The following IL1RAP variants were observed in gnomAD, a reference collection of about 807,000 sequenced individuals.
The protein encoded by IL1RAP is interleukin 1 receptor accessory protein.
IL1RAP carries 35 observed loss-of-function variants against 60.7 expected under a neutral mutation model. That is an observed-to-expected ratio of 0.58 (90% CI 0.44 to 0.76). The LOEUF (loss-of-function observed/expected upper bound fraction) is 0.76. IL1RAP is among the 30% of genes least tolerant of loss of function. IL1RAP has a pLI of 0.00. For missense variants in IL1RAP, 572 were observed against 693.9 expected (o/e 0.82, Z 1.97); for synonymous variants, 268 against 250.9 (o/e 1.07, Z -0.64).
At chr3:190,524,178 T>C (rs949265692) in intron 1 of IL1RAP, among the ~76,000 whole-genome samples, 13 of 152,208 alleles carry the variant, frequency 8.5e-5, no homozygotes, top group Non-Finnish European at 1.8e-4. Context: ...TCTGTTCATG[T>C]CCTTTGCTCA....
At chr3:190,641,408 C>G (rs200485907) in intron 9 of IL1RAP, among the ~76,000 whole-genome samples, 5 of 152,172 alleles carry the variant, frequency 3.3e-5, no homozygotes, top group East Asian at 3.8e-4. Flanking sequence ...CCTGAAAGCC[C>G]TGTAGAGAAC....
intron 3 of IL1RAP, among the ~76,000 whole-genome samples, chr3:190,571,531 A>C (rs1378431484): frequency 6.6e-6 from 1 of 152,184 alleles, no homozygotes; most frequent in Non-Finnish European, 1.5e-5. Context: ...TTCTCAAAAA[A>C]AAGTACAACT....
chr3:190,527,684 A>ATTTTTT (rs58914187), intron 1 of IL1RAP, among the ~76,000 whole-genome samples: 8 of 112,926 alleles, frequency 7.1e-5, no homozygotes, highest in East Asian at 5.3e-4. Flanking sequence ...GCTTGTTTAC[A>ATTTTTT]TTTTTTTTTT....
At chr3:190,598,950 C>G (rs1409224769) in intron 3 of IL1RAP, among the ~76,000 whole-genome samples, 1 of 152,108 alleles carries the variant, frequency 6.6e-6, no homozygotes, top group Non-Finnish European at 1.5e-5. Flanking sequence ...AACTGCATTG[C>G]TTTTCATATG....
At chr3:190,625,667 G>A (rs150875086) in intron 7 of IL1RAP, among the ~76,000 whole-genome samples, 1 of 152,032 alleles carries the variant, frequency 6.6e-6, no homozygotes. Context: ...AAAGATAATA[G>A]TGATCAACAT....
At chr3:190,548,467 A>T (rs1724573110) in intron 1 of IL1RAP, among the ~76,000 whole-genome samples, 1 of 152,218 alleles carries the variant, frequency 6.6e-6, no homozygotes, top group African/African-American at 2.4e-5. Flanking sequence ...AGTAATCAAC[A>T]GCAAACTAGA....
downstream of IL1RAP, among the ~76,000 whole-genome samples, chr3:190,652,229 T>G (rs1734435431): frequency 6.6e-6 from 1 of 151,688 alleles, no homozygotes; most frequent in Non-Finnish European, 1.5e-5. Context: ...TTTGGGAGGC[T>G]GAAGCGGATG....
intron 10 of IL1RAP, among the ~76,000 whole-genome samples, chr3:190,644,673 C>T (rs1197270907): frequency 1.3e-5 from 2 of 152,036 alleles, no homozygotes; most frequent in Admixed American, 6.6e-5. Flanking sequence ...CCAGTGACCA[C>T]ATTAGTAAAA....
chr3:190,569,576 T>A (rs993914104), intron 3 of IL1RAP, among the ~76,000 whole-genome samples: 2 of 139,568 alleles, frequency 1.4e-5, no homozygotes, highest in African/African-American at 5.3e-5. Context: ...CGGAAGCAGA[T>A]CTCTTCACTT....
chr3:190,608,856 C>T, intron 4 of IL1RAP, 139 bp from the exon 5 acceptor site: 1 of 605,724 alleles, frequency 1.7e-6, no homozygotes, highest in Non-Finnish European at 2.8e-6. Context: ...CCTCCACTAC[C>T]ATTTTATCTC....
At chr3:190,529,379 C>A (rs776739074) in intron 1 of IL1RAP, among the ~76,000 whole-genome samples, 1 of 148,580 alleles carries the variant, frequency 6.7e-6, no homozygotes, top group Non-Finnish European at 1.5e-5. Flanking sequence ...CGTGGTGAAA[C>A]CCCTTCTCTA....
chr3:190,539,810 G>A (rs1253758886), intron 1 of IL1RAP, among the ~76,000 whole-genome samples: 2 of 151,718 alleles, frequency 1.3e-5, no homozygotes, highest in Non-Finnish European at 2.9e-5. Context: ...AACCCTAGTA[G>A]GGACTTGCCA....
intron 9 of IL1RAP, among the ~76,000 whole-genome samples, chr3:190,636,202 A>G (rs1577796513): frequency 6.6e-6 from 1 of 152,246 alleles, no homozygotes; most frequent in Non-Finnish European, 1.5e-5. Context: ...AGTGGTGTCC[A>G]GTAAATGTCA....
At chr3:190,646,631 C>T (rs772919754) in intron 11 of IL1RAP, among the ~76,000 whole-genome samples, 2 of 152,106 alleles carry the variant, frequency 1.3e-5, no homozygotes, top group Non-Finnish European at 2.9e-5. Flanking sequence ...AAGTTACATT[C>T]CCAAACCCAC....
intron 9 of IL1RAP, among the ~76,000 whole-genome samples, chr3:190,632,295 T>A (rs1411140782): frequency 1.3e-5 from 2 of 152,238 alleles, no homozygotes; most frequent in Non-Finnish European, 2.9e-5. Context: ...GCCATACTGA[T>A]GGATGCATAG....
Position 190,649,821 on chromosome 3 carries a change from A to C in IL1RAP, c.*1116A>C. ...TCCAAATAAGTCAGTATGAGAAGTC[A>C]CTGTCAATGAAAGTTGTTTTGTTTG... is the stretch of plus-strand genomic sequence containing the variant. On this transcript the variant is annotated 3_prime_UTR_variant, in exon 12 of 12. Coordinates refer to ENST00000447382, the MANE Select transcript of IL1RAP (RefSeq NM_002182.4). The C allele has an allele frequency of 1.0e-6, 1 of 985,304 alleles. No homozygotes were observed. The highest frequency in any genetic ancestry group is 1.2e-6 in the Non-Finnish European group (1 of 829,824). The allele number at this position is 985,304 out of a possible 1,614,324, so 61.0% of individuals were successfully genotyped here. A position where few individuals can be genotyped will look rare whatever the true frequency, so the allele number is the denominator to read the frequency against.
At chr3:190,624,017 T>G (rs955078387) in intron 7 of IL1RAP, among the ~76,000 whole-genome samples, 2 of 152,244 alleles carry the variant, frequency 1.3e-5, no homozygotes, top group African/African-American at 4.8e-5. Flanking sequence ...ATAGAAAATT[T>G]TAACATTTTC....
At chr3:190,514,863 G>A (rs985267620) in intron 1 of IL1RAP, among the ~76,000 whole-genome samples, 5 of 151,960 alleles carry the variant, frequency 3.3e-5, no homozygotes, top group East Asian at 2.0e-4. Context: ...GGCCCTGTGG[G>A]GCACAGGGTG....
At chr3:190,606,537 T>C (rs1415522077) in intron 4 of IL1RAP, among the ~76,000 whole-genome samples, 1 of 152,236 alleles carries the variant, frequency 6.6e-6, no homozygotes, top group East Asian at 1.9e-4. Context: ...CAGTTTTACT[T>C]TTTCCTTAAT....
Sources: gnomAD v4.1 joint callset for allele counts (sites outside exome capture counted in the v4.1 genomes callset) on GRCh38, gnomAD v4.1.1 for gene constraint, MANE v1.5 for transcripts, NCBI Gene and HGNC (gene_info 2026-07-23, HGNC 2026-07-21) for gene names.